The following AK5 variants were observed in gnomAD, a reference collection of about 807,000 sequenced individuals.
AK5 encodes adenylate kinase 5, also known as adenylate kinase isoenzyme 5.
AK5 carries 27 observed loss-of-function variants against 69.5 expected under a neutral mutation model. That is an observed-to-expected ratio of 0.39 (90% CI 0.29 to 0.54). AK5 has a LOEUF of 0.54. AK5 is among the 20% of genes least tolerant of loss of function. The pLI is 0.71. For synonymous variants in AK5, 260 were observed against 244.4 expected (o/e 1.06, Z -0.60); for missense variants, 531 against 700.4 (o/e 0.76, Z 2.73).
intron 5 of AK5, among the ~76,000 whole-genome samples, chr1:77,331,269 A>G (rs1441682627): frequency 6.6e-6 from 1 of 152,126 alleles, no homozygotes; most frequent in Non-Finnish European, 1.5e-5. Flanking sequence ...AGAAGTGATG[A>G]TAATGAGCAT....
At chr1:77,323,422 A>T (rs1441727043) in intron 5 of AK5, among the ~76,000 whole-genome samples, 1 of 152,258 alleles carries the variant, frequency 6.6e-6, no homozygotes, top group Non-Finnish European at 1.5e-5. Flanking sequence ...TTGAATTTAT[A>T]TAGGAGAAAC....
chr1:77,396,218 T>C (rs1051424214), intron 6 of AK5, among the ~76,000 whole-genome samples: 3 of 152,166 alleles, frequency 2.0e-5, no homozygotes, highest in African/African-American at 7.2e-5. Context: ...TCAAAAGCAT[T>C]TATAAGGATT....
intron 8 of AK5, among the ~76,000 whole-genome samples, chr1:77,418,489 T>G (rs1650576706): frequency 6.6e-6 from 1 of 152,152 alleles, no homozygotes; most frequent in African/African-American, 2.4e-5. Flanking sequence ...GAGGAAAGCA[T>G]AGCCAAGAAG....
chr1:77,450,050 A>G (rs887481997), intron 8 of AK5, among the ~76,000 whole-genome samples: 1 of 152,132 alleles, frequency 6.6e-6, no homozygotes, highest in Non-Finnish European at 1.5e-5. Context: ...AAAGTTCCAC[A>G]AATCTCTAGG....
chr1:77,431,366 A>G (rs1045017995), intron 8 of AK5, among the ~76,000 whole-genome samples: 7 of 152,188 alleles, frequency 4.6e-5, no homozygotes, highest in Non-Finnish European at 1.0e-4. Flanking sequence ...CTTAGGTGCC[A>G]GACACTCTTA....
chr1:77,325,698 G>C (rs995676616), intron 5 of AK5, among the ~76,000 whole-genome samples: 2 of 151,486 alleles, frequency 1.3e-5, no homozygotes, highest in South Asian at 4.2e-4. Flanking sequence ...TTATGTGTCT[G>C]CTTCTACAAT....
chr1:77,343,302 G>A (rs1661752254), intron 6 of AK5, among the ~76,000 whole-genome samples: 1 of 152,146 alleles, frequency 6.6e-6, no homozygotes, highest in South Asian at 2.1e-4. Context: ...GTTTAGTCCA[G>A]TTGAGAAACT....
At chr1:77,506,166 G>A (rs1280358849) in intron 10 of AK5, among the ~76,000 whole-genome samples, 1 of 152,088 alleles carries the variant, frequency 6.6e-6, no homozygotes, top group African/African-American at 2.4e-5. Context: ...GATGAGCTGG[G>A]TCTGGAACAG....
Position 77,287,131 on chromosome 1 carries a change from A to C in AK5, c.247+4A>C. 1 of 1,531,330 alleles carries C rather than the reference A, an allele frequency of 6.5e-7. No individual in the cohort carries two copies. The highest frequency in any genetic ancestry group is 8.8e-7 in the Non-Finnish European group (1 of 1,136,176). The allele number at this position is 1,531,330 out of a possible 1,614,324, so 94.9% of individuals were successfully genotyped here. A position where few individuals can be genotyped will look rare whatever the true frequency, so the allele number is the denominator to read the frequency against. On this transcript the variant is annotated splice_donor_region_variant and intron_variant, in intron 2 of 13. Coordinates refer to ENST00000354567, the MANE Select transcript of AK5 (RefSeq NM_174858.3). ...CGGAGATCCTTTCTAAGAAATGGTA[A>C]TGTATATGGAGAATAATAGACAGTT...
At chr1:77,284,807 A>G (rs6680763) in intron 1 of AK5, among the ~76,000 whole-genome samples, 15,132 of 152,218 alleles carry the variant, frequency 0.099, 929 homozygotes, top group East Asian at 0.2. Context: ...AAAAGATTTG[A>G]ATTATCCGTG....
intron 5 of AK5, among the ~76,000 whole-genome samples, chr1:77,313,191 GT>G (rs1660055287): frequency 6.6e-6 from 1 of 151,854 alleles, no homozygotes; most frequent in South Asian, 2.1e-4. Context: ...TTTTTATCAT[GT>G]TATCACTTTA....
chr1:77,553,724 A>C (rs1212588504), intron 13 of AK5, among the ~76,000 whole-genome samples: 1 of 152,188 alleles, frequency 6.6e-6, no homozygotes, highest in Non-Finnish European at 1.5e-5. Flanking sequence ...GTAAATAATA[A>C]ATCAAGCGTT....
intron 5 of AK5, among the ~76,000 whole-genome samples, chr1:77,309,257 A>C (rs1659811934): frequency 6.6e-6 from 1 of 152,096 alleles, no homozygotes; most frequent in Non-Finnish European, 1.5e-5. Context: ...ATAAAAATTG[A>C]AAAAAAGAAA....
rs1328001797 is a variant in AK5 at position 77,466,730 on chromosome 1, A to G, written c.1060-16587A>G. On this transcript the variant is annotated intron_variant, in intron 8 of 13. Coordinates refer to ENST00000354567, the MANE Select transcript of AK5 (RefSeq NM_174858.3). ...GCTACGTCCTCACATGTTGGAACAC[A>G]GAAGGGCGGCAGAGAACCCACATCC... 3.9e-5 allele frequency among the ~76,000 whole-genome samples: 6 copies of G among 152,372 alleles called. No individual in the cohort carries two copies. In the South Asian group the frequency reaches 6.2e-4, roughly 16 times the overall value.
intron 6 of AK5, among the ~76,000 whole-genome samples, chr1:77,397,626 G>C (rs1648920403): frequency 6.6e-6 from 1 of 152,192 alleles, no homozygotes; most frequent in Non-Finnish European, 1.5e-5. Context: ...TGGGAGCACT[G>C]ACTCACATCT....
chr1:77,530,705 TATTATCCTCA>T (rs1658526839), intron 12 of AK5, among the ~76,000 whole-genome samples: 1 of 152,156 alleles, frequency 6.6e-6, no homozygotes, highest in African/African-American at 2.4e-5. Context: ...CAAATACTAT[TATTATCCTCA>T]TTTTTAAATG....
chr1:77,355,456 T>C (rs1204656214), intron 6 of AK5, among the ~76,000 whole-genome samples: 1 of 152,134 alleles, frequency 6.6e-6, no homozygotes, highest in African/African-American at 2.4e-5. Flanking sequence ...TTATCTCAAA[T>C]TTTCCTCTGT....
chr1:77,339,206 C>T (rs1454309588), intron 5 of AK5, among the ~76,000 whole-genome samples: 3 of 152,154 alleles, frequency 2.0e-5, no homozygotes, highest in Non-Finnish European at 2.9e-5. Context: ...TAAGTAATTG[C>T]GGCATATGCT....
At chr1:77,432,062 A>G (rs1337880915) in intron 8 of AK5, among the ~76,000 whole-genome samples, 1 of 152,072 alleles carries the variant, frequency 6.6e-6, no homozygotes, top group Non-Finnish European at 1.5e-5. Flanking sequence ...TCCTCCCTTT[A>G]TGGCCTTCCC....
Sources: gnomAD v4.1 joint callset for allele counts (sites outside exome capture counted in the v4.1 genomes callset) on GRCh38, gnomAD v4.1.1 for gene constraint, MANE v1.5 for transcripts, NCBI Gene and HGNC (gene_info 2026-07-23, HGNC 2026-07-21) for gene names.